FAM222B: variants seen among roughly 807,000 people sequenced by gnomAD.
The protein encoded by FAM222B is family with sequence similarity 222 member B.
In FAM222B, 12 loss-of-function variants were observed where a neutral mutation model predicts 38.0. The ratio of observed to expected loss-of-function variants is 0.32; its 90% CI spans 0.20 to 0.51. FAM222B has a LOEUF of 0.51. Among genes scored for constraint, FAM222B ranks in the 20% least tolerant of loss-of-function variants. The probability of loss-of-function intolerance (pLI) is 0.97; values close to 1 mark genes in which losing one functional copy is unlikely to be tolerated. For missense variants in FAM222B, 716 were observed against 754.2 expected (o/e 0.95, Z 0.59); for synonymous variants, 329 against 317.2 (o/e 1.04, Z -0.40).
chr17:28,778,695 GTGTA>G (rs1353613251), intron 1 of FAM222B, among the ~76,000 whole-genome samples: 3 of 88,158 alleles, frequency 3.4e-5, no homozygotes, highest in African/African-American at 1.5e-4. Context: ...GTGTGTGTGT[GTGTA>G]TATATATATA....
At chr17:28,771,926 G>C (rs538516428) in intron 1 of FAM222B, among the ~76,000 whole-genome samples, 1 of 152,020 alleles carries the variant, frequency 6.6e-6, no homozygotes, top group Non-Finnish European at 1.5e-5. Context: ...GTTTGGTGGC[G>C]GGCACCTGCA....
chr17:28,815,077 A>G (rs1487685565), intron 1 of FAM222B, among the ~76,000 whole-genome samples: 1 of 151,280 alleles, frequency 6.6e-6, no homozygotes, highest in Admixed American at 6.6e-5. Flanking sequence ...CCAGCATCAC[A>G]GCTATTTTTT....
intron 1 of FAM222B, among the ~76,000 whole-genome samples, chr17:28,851,117 TCAAAA>T (rs927515246): frequency 1.3e-5 from 2 of 149,596 alleles, no homozygotes; most frequent in Admixed American, 6.7e-5. Flanking sequence ...AGACTCCATC[TCAAAA>T]CAAAACAAAA....
intron 1 of FAM222B, among the ~76,000 whole-genome samples, chr17:28,836,884 C>T (rs1477776182): frequency 6.6e-6 from 1 of 152,036 alleles, no homozygotes; most frequent in Non-Finnish European, 1.5e-5. Flanking sequence ...GTGGGCTCCT[C>T]CCTTAAGCTG....
chr17:28,836,118 T>C (rs544036818), intron 1 of FAM222B, among the ~76,000 whole-genome samples: 108 of 151,904 alleles, frequency 7.1e-4, no homozygotes, highest in East Asian at 2.9e-3. Context: ...GCCTCTCAGG[T>C]AGCTGGGATT....
rs2151753776 is a variant in FAM222B, at chr17:28,758,804, G to C, written c.1155C>G (p.Ala385=). 2.5e-6 allele frequency: 4 copies of C among 1,580,200 alleles called. No homozygotes were observed. The South Asian group carries it at 4.6e-5, about 18-fold the overall frequency. ...CCGCATGCTTGCCTGTCAGGCCAGG[G>C]GCTGGCGTCCCACTAGCCTCGCTGC... ...QMCSEASGTP[A]PGLTGKHAAG... Residue 385 remains alanine (A), a synonymous_variant, in exon 3 of 3, where the codon GCC becomes GCG. Transcript: ENST00000581407.
intron 1 of FAM222B, among the ~76,000 whole-genome samples, chr17:28,820,731 T>C (rs1175746194): frequency 6.6e-6 from 1 of 152,014 alleles, no homozygotes; most frequent in Non-Finnish European, 1.5e-5. Flanking sequence ...CCTCCTGGGT[T>C]CAAGCAATTC....
At chr17:28,790,884 C>CTTTTTTTTTTTTTTTTTTTTTTTTTTTTT (rs60664262) in intron 1 of FAM222B, among the ~76,000 whole-genome samples, 2 of 86,062 alleles carry the variant, frequency 2.3e-5, no homozygotes, top group Non-Finnish European at 4.3e-5. Flanking sequence ...AATTGTTTCA[C>CTTTTTTTTTTTTTTTTTTTTTTTTTTTTT]TTTTTTTTTT....
intron 1 of FAM222B, among the ~76,000 whole-genome samples, chr17:28,820,151 TC>T (rs566165066): frequency 2.3e-4 from 35 of 152,326 alleles, no homozygotes; most frequent in Middle Eastern, 3.4e-3. Flanking sequence ...AGGGTAAAGT[TC>T]CCAGCACGTC....
In FAM222B at chr17:28,766,625, G is replaced by A. The variant is rs1431337950; in HGVS notation, c.43C>T (p.Leu15Phe). 1.2e-6 allele frequency: 2 copies of A among 1,606,832 alleles called. No homozygotes were observed. The highest frequency in any genetic ancestry group is 1.7e-6 in the Non-Finnish European group (2 of 1,176,580). ...LPGPGDLSFQ[L>F]LSHTQMNTGL... ...GTGTTCATCTGCGTGTGAGAAAGAAGCTGAAAGGACAGGTCACCTGGCCCT... is the reference window on the plus strand; with the variant it reads ...GTGTTCATCTGCGTGTGAGAAAGAAACTGAAAGGACAGGTCACCTGGCCCT... The change falls in exon 2 of 3, where the codon CTT becomes TTT. Residue 15 changes from leucine to phenylalanine, a missense_variant. Leu to Phe is a conservative substitution (Grantham distance 22). Coordinates refer to ENST00000581407, the MANE Select transcript of FAM222B (RefSeq NM_001077498.3).
At chr17:28,807,118 C>T (rs1597980023) in intron 1 of FAM222B, among the ~76,000 whole-genome samples, 1 of 151,628 alleles carries the variant, frequency 6.6e-6, no homozygotes, top group South Asian at 2.1e-4. Context: ...TGGGTTCAAG[C>T]GATTCTCCTG....
At chr17:28,845,621 C>A (rs542544210), upstream of FAM222B, among the ~76,000 whole-genome samples, 1 of 151,812 alleles carries the variant, frequency 6.6e-6, no homozygotes, top group South Asian at 2.1e-4. Context: ...ATAGGCCAGG[C>A]ACAGTGGGTC....
Position 28,758,342 on chromosome 17 carries a change from T to TC in FAM222B, c.1616dup (p.Ala540SerfsTer23), listed in dbSNP as rs1487719432. Reference sequence around the variant, plus strand: ...GATCGGGGGCTCGGTTGCCAGGGGCTCGGTGGGCCTTGCTCAGCATGGCCA... The same window carrying TC: ...GATCGGGGGCTCGGTTGCCAGGGGCTCCGGTGGGCCTTGCTCAGCATGGCCA... On this transcript the variant is annotated frameshift_variant, in exon 3 of 3. Transcript: ENST00000581407. LOFTEE classifies it high-confidence loss of function. 4 of 1,612,618 alleles carry TC rather than the reference T, an allele frequency of 2.5e-6. No individual in the cohort carries two copies. In the South Asian group the frequency reaches 3.3e-5, roughly 13 times the overall value.
rs767489400 is a variant in FAM222B, at chr17:28,759,034, G to A, written c.925C>T (p.Arg309Trp). ...GTGGGGACGCTGTGGGTCGACACCC[G>A]GGTGCTTGCATTGATGAGCAGACTG... ...SRSLLINASTRVSTHSVPTPM... is the reference protein window; with the variant it reads ...SRSLLINASTWVSTHSVPTPM... Residue 309 changes from arginine to tryptophan, a missense_variant, in exon 3 of 3, where the codon CGG (arginine) becomes TGG (tryptophan). Arg to Trp is a moderately radical substitution (Grantham distance 101, BLOSUM62 -3). Transcript: ENST00000581407. This position sits in a 1 kb window ranked among gnomAD's most constrained non-coding sequence, Gnocchi z 4.8. The A allele has an allele frequency of 2.1e-5, 34 of 1,612,624 alleles. No individual in the cohort carries two copies. In the South Asian group the frequency reaches 2.5e-4, roughly 12 times the overall value.
upstream of FAM222B, among the ~76,000 whole-genome samples, chr17:28,847,140 T>C (rs145567490): frequency 6.1e-3 from 925 of 151,254 alleles, 12 homozygotes; most frequent in African/African-American, 0.021. Context: ...GGAAAATCGC[T>C]TGAACCCCAG....
chr17:28,758,314 TGGGATCGGGGGCTCGGTTGCCAG>T lies in FAM222B; in HGVS notation c.1622_1644del (p.Pro541HisfsTer14), dbSNP rs921196918. ...TGAATATGAAGACTTCGACTCTCTG[TGGGATCGGGGGCTCGGTTGCCAG>T]GGGCTCGGTGGGCCTTGCTCAGCAT... On this transcript the variant is annotated frameshift_variant, in exon 3 of 3. Transcript: ENST00000581407. LOFTEE classifies it high-confidence loss of function. 1.2e-6 allele frequency: 2 copies of T among 1,607,382 alleles called. No homozygotes were observed. The highest frequency in any genetic ancestry group is 1.7e-6 in the Non-Finnish European group (2 of 1,177,094).
At chr17:28,844,111 G>A (rs1240312690), upstream of FAM222B, among the ~76,000 whole-genome samples, 1 of 152,164 alleles carries the variant, frequency 6.6e-6, no homozygotes, top group Non-Finnish European at 1.5e-5. Flanking sequence ...AGACTACTGT[G>A]CTGCTTTGGC....
intron 1 of FAM222B, among the ~76,000 whole-genome samples, chr17:28,848,229 T>A (rs1220259501): frequency 6.6e-6 from 1 of 152,116 alleles, no homozygotes; most frequent in Non-Finnish European, 1.5e-5. Flanking sequence ...AGCAAAATTC[T>A]CCTTGTACGT....
chr17:28,848,869 C>A (rs1464819371), intron 1 of FAM222B: 1 of 152,176 alleles, frequency 6.6e-6, no homozygotes, highest in East Asian at 1.9e-4. Flanking sequence ...CGCCACCTTC[C>A]CCTCTCCCCT....
Sources: gnomAD v4.1 joint callset for allele counts (sites outside exome capture counted in the v4.1 genomes callset) on GRCh38, gnomAD v4.1.1 for gene constraint, Gnocchi (gnomAD v3.1) non-coding constraint, MANE v1.5 for transcripts, NCBI Gene and HGNC (gene_info 2026-07-23, HGNC 2026-07-21) for gene names.